Variants in RALGAPB observed in about 807,000 individuals in gnomAD.
The protein encoded by RALGAPB is ral GTPase-activating protein subunit beta.
Under a neutral mutation model 161.1 loss-of-function variants are expected in RALGAPB, and 25 were observed. The ratio of observed to expected loss-of-function variants is 0.16; its 90% CI spans 0.11 to 0.22. The LOEUF is 0.22. Ranked by LOEUF, RALGAPB falls within the 10% of genes least tolerant of loss-of-function variation. RALGAPB has a pLI of 1.00. For missense variants in RALGAPB, 1,391 were observed against 1,815.2 expected (o/e 0.77, Z 4.25); for synonymous variants, 629 against 626.1 (o/e 1.00, Z -0.07).
intron 22 of RALGAPB, among the ~76,000 whole-genome samples, chr20:38,557,679 AG>A (rs2145469151): frequency 6.6e-6 from 1 of 152,266 alleles, no homozygotes; most frequent in African/African-American, 2.4e-5. Flanking sequence ...TTCTTCATTC[AG>A]TATGCATTTA....
chr20:38,522,902 C>T (rs543000688), intron 10 of RALGAPB, among the ~76,000 whole-genome samples: 2 of 152,180 alleles, frequency 1.3e-5, no homozygotes, highest in Non-Finnish European at 2.9e-5. Flanking sequence ...CTTTATTCCT[C>T]TCTCTTTCTC....
At chr20:38,513,686 A>G (rs1312932805) in intron 6 of RALGAPB, among the ~76,000 whole-genome samples, 4 of 151,846 alleles carry the variant, frequency 2.6e-5, no homozygotes, top group Non-Finnish European at 5.9e-5. Flanking sequence ...TAAATAAACT[A>G]TAGTACCGAA....
chr20:38,506,185 ATTATT>A (rs1021446909), intron 5 of RALGAPB, among the ~76,000 whole-genome samples: 9 of 152,172 alleles, frequency 5.9e-5, no homozygotes, highest in Non-Finnish European at 1.0e-4. Context: ...CAAATACTAA[ATTATT>A]TTATGTAAGG....
chr20:38,505,601 A>G (rs2085738125), intron 5 of RALGAPB, among the ~76,000 whole-genome samples: 1 of 152,134 alleles, frequency 6.6e-6, no homozygotes, highest in African/African-American at 2.4e-5. Flanking sequence ...AGGCACAGAT[A>G]AATTATTAGC....
rs183530751 is a variant in RALGAPB, at chr20:38,525,615, A to G, written c.1902+97A>G. 3,464 of 975,514 alleles carry G rather than the reference A, an allele frequency of 3.6e-3. 12 individuals are homozygous for G. The highest frequency in any genetic ancestry group is 4.6e-3 in the Non-Finnish European group (2,961 of 642,052). 60.4% of individuals were successfully genotyped at this position (975,514 alleles called of 1,614,324 possible). A position where few individuals can be genotyped will look rare whatever the true frequency, so the allele number is the denominator to read the frequency against. ...TAAAAATGAAACAGGAGCTTTTTTTATTTTTCAATTCAAGTTATTTCATCA... is the reference window on the plus strand; with the variant it reads ...TAAAAATGAAACAGGAGCTTTTTTTGTTTTTCAATTCAAGTTATTTCATCA... On this transcript the variant is annotated intron_variant, in intron 12 of 29. Coordinates refer to ENST00000262879, the MANE Select transcript of RALGAPB (RefSeq NM_020336.4).
Position 38,484,460 on chromosome 20 carries a change from A to G in RALGAPB, c.-30-3943A>G, listed in dbSNP as rs560666217. Among the ~76,000 whole-genome samples the G allele has an allele frequency of 3.3e-5, 5 of 152,278 alleles. No homozygotes were observed. The South Asian group carries it at 1.0e-3, about 32-fold the overall frequency. On this transcript the variant is annotated intron_variant, in intron 1 of 29. Coordinates refer to ENST00000262879, the MANE Select transcript of RALGAPB (RefSeq NM_020336.4). ...ATTTTGCTATAATTCAGTTACCAAA[A>G]CTAGTATATGCCTTTATCTGTGATC...
intron 13 of RALGAPB, 26 bp downstream of exon 13, chr20:38,526,068 A>G (rs1181797505): frequency 1.5e-5 from 24 of 1,612,016 alleles, no homozygotes; most frequent in Middle Eastern, 1.6e-4. Flanking sequence ...TTATTTTGTA[A>G]GTGAAACCAA....
intron 6 of RALGAPB, among the ~76,000 whole-genome samples, chr20:38,513,795 C>T (rs2086045985): frequency 6.6e-6 from 1 of 152,054 alleles, no homozygotes; most frequent in Non-Finnish European, 1.5e-5. Context: ...CAATGTTGAA[C>T]CATCTATCAT....
At chr20:38,560,178 A>C (rs1246207299) in intron 23 of RALGAPB, among the ~76,000 whole-genome samples, 1 of 152,160 alleles carries the variant, frequency 6.6e-6, no homozygotes, top group Non-Finnish European at 1.5e-5. Flanking sequence ...TATAGTGCCG[A>C]ACAAAATCTA....
intron 5 of RALGAPB, among the ~76,000 whole-genome samples, chr20:38,506,275 G>C (rs1243627407): frequency 6.6e-6 from 1 of 151,902 alleles, no homozygotes; most frequent in East Asian, 1.9e-4. Flanking sequence ...AAGGACAACT[G>C]TATAGGTTCC....
At chr20:38,546,603 C>A in intron 19 of RALGAPB, 173 bp downstream of exon 19, 1 of 734,604 alleles carries the variant, frequency 1.4e-6, no homozygotes, top group Non-Finnish European at 2.2e-6. Flanking sequence ...ATAGAATATA[C>A]ATATTACATA....
intron 5 of RALGAPB, 140 bp from the exon 6 acceptor site, chr20:38,508,937 A>G (rs2085851285): frequency 1.1e-6 from 1 of 945,082 alleles, no homozygotes; most frequent in African/African-American, 1.6e-5. Context: ...TGTCTGTTTT[A>G]TAAATGAGGG....
At chr20:38,485,394 T>C (rs2085085093) in intron 1 of RALGAPB, among the ~76,000 whole-genome samples, 2 of 152,168 alleles carry the variant, frequency 1.3e-5, no homozygotes, top group Non-Finnish European at 2.9e-5. Flanking sequence ...AGTTGGGTCC[T>C]TACCTCCTCA....
At chr20:38,478,117 G>T (rs139310418) in intron 1 of RALGAPB, among the ~76,000 whole-genome samples, 14 of 152,166 alleles carry the variant, frequency 9.2e-5, no homozygotes, top group Non-Finnish European at 1.8e-4. Context: ...GTGAGACCTT[G>T]TCTCAAAAAG....
intron 10 of RALGAPB, among the ~76,000 whole-genome samples, chr20:38,524,176 A>G (rs1056223494): frequency 1.3e-5 from 2 of 152,182 alleles, no homozygotes; most frequent in Non-Finnish European, 2.9e-5. Context: ...ACTAAGCTAT[A>G]TTCAGGTATA....
At position 38,532,828 on chromosome 20, in the gene RALGAPB, G is replaced by A. The variant is rs1437541368; in HGVS notation, c.2214G>A (p.Glu738=). The change falls in exon 15 of 30, where the codon GAG becomes GAA. Residue 738 remains glutamate, a synonymous_variant. Coordinates refer to ENST00000262879, the MANE Select transcript of RALGAPB (RefSeq NM_020336.4). ...GSTEPTTPDS[E]RPAQALLRDY... ...CGGAGCCCACGACTCCCGATAGTGAGAGACCTGCTCAAGCTCTCTTAAGAG... is the reference window on the plus strand; with the variant it reads ...CGGAGCCCACGACTCCCGATAGTGAAAGACCTGCTCAAGCTCTCTTAAGAG... 2 of 1,614,104 alleles carry A rather than the reference G, an allele frequency of 1.2e-6. No homozygotes were observed. Among genetic ancestry groups the A allele is most frequent in the Admixed American group, 1.7e-5 (1 of 60,006 alleles).
chr20:38,559,054 A>G (rs551570400), intron 23 of RALGAPB, among the ~76,000 whole-genome samples: 5 of 152,366 alleles, frequency 3.3e-5, no homozygotes, highest in East Asian at 3.9e-4. Context: ...AATGAAAACT[A>G]TGATGCTTAG....
At chr20:38,511,918 G>A (rs1178853909) in intron 6 of RALGAPB, among the ~76,000 whole-genome samples, 2 of 151,842 alleles carry the variant, frequency 1.3e-5, no homozygotes, top group Non-Finnish European at 2.9e-5. Context: ...GGGCAGAGGC[G>A]CCCCCCACCT....
intron 26 of RALGAPB, 155 bp from the exon 27 acceptor site, chr20:38,569,732 TG>T (rs2088158148): frequency 1.7e-6 from 1 of 588,970 alleles, no homozygotes; most frequent in Non-Finnish European, 3.1e-6. Context: ...AGAAGAGCTT[TG>T]TTGCAAATGT....
Sources: gnomAD v4.1 joint callset for allele counts (sites outside exome capture counted in the v4.1 genomes callset) on GRCh38, gnomAD v4.1.1 for gene constraint, MANE v1.5 for transcripts, NCBI Gene and HGNC (gene_info 2026-07-23, HGNC 2026-07-21) for gene names.